GBP2: variants seen among roughly 807,000 people sequenced by gnomAD.
The protein encoded by GBP2 is guanylate binding protein 2.
GBP2 carries 54 observed loss-of-function variants against 60.8 expected under a neutral mutation model. The observed-to-expected ratio is 0.89, with a 90% CI of 0.71 to 1.11. The LOEUF (loss-of-function observed/expected upper bound fraction) is 1.11, where lower values mean the gene tolerates loss of function less well. Among genes scored for constraint, GBP2 ranks in the 50% most tolerant of loss-of-function variants. The pLI, the probability that GBP2 is intolerant of heterozygous loss-of-function variation, is 0.00. For missense variants in GBP2, 665 were observed against 703.3 expected (o/e 0.95, Z 0.62); for synonymous variants, 243 against 256.5 (o/e 0.95, Z 0.50).
chr1:89,113,920 T>C, intron 7 of GBP2, 96 bp downstream of exon 7: 1 of 1,337,626 alleles, frequency 7.5e-7, no homozygotes, highest in Non-Finnish European at 1.1e-6. Flanking sequence ...TATGTACACA[T>C]AACTGAGTGT....
intron 8 of GBP2, among the ~76,000 whole-genome samples, chr1:89,111,458 T>A (rs1681162289): frequency 6.6e-6 from 1 of 152,130 alleles, no homozygotes; most frequent in Non-Finnish European, 1.5e-5. Flanking sequence ...AAAAATAAGA[T>A]CTGTTATTTG....
At chr1:89,118,725 ATAGTG>A (rs1411616266) in intron 4 of GBP2, 3 of 152,180 alleles carry the variant, frequency 2.0e-5, no homozygotes, top group Non-Finnish European at 2.9e-5. Flanking sequence ...AATAACTTTG[ATAGTG>A]GAGCTGAAGG....
At chr1:89,117,255 A>C (rs945336496) in intron 5 of GBP2, 21 bp from the exon 6 acceptor site, 2 of 1,594,450 alleles carry the variant, frequency 1.3e-6, no homozygotes, top group Admixed American at 1.7e-5. Context: ...GAAAATTAGA[A>C]GTAGTAAAAC....
Position 89,120,266 on chromosome 1 carries a change from C to T in GBP2, c.341G>A (p.Trp114Ter), listed in dbSNP as rs1443120254. 2 of 1,613,796 alleles carry T rather than the reference C, an allele frequency of 1.2e-6. No homozygotes were observed. Among genetic ancestry groups the T allele is most frequent in the African/African-American group, 2.7e-5 (2 of 75,008 alleles). ...IEKGDNENDS[W>*]IFALAILLSS... ...CAGGAGGATGGCCAAGGCAAAGATC[C>T]AGGAGTCATTCTCATTGTCACCCTG... The change falls in exon 4 of 11, where the codon TGG becomes TAG. Residue 114 changes from tryptophan (W) to a stop codon, truncating the protein, a stop_gained. Coordinates refer to ENST00000370466, the MANE Select transcript of GBP2 (RefSeq NM_004120.5). LOFTEE classifies it high-confidence loss of function.
At chr1:89,111,631 G>C (rs1351486693) in intron 8 of GBP2, among the ~76,000 whole-genome samples, 1 of 150,168 alleles carries the variant, frequency 6.7e-6, no homozygotes, top group African/African-American at 2.5e-5. Context: ...AGGGGGTAAT[G>C]GGGTGGTGGG....
Position 89,107,985 on chromosome 1 carries a change from A to G in GBP2, c.*190T>C, listed in dbSNP as rs1005194674. 96 of 480,014 alleles carry G rather than the reference A, an allele frequency of 2.0e-4. No individual in the cohort carries two copies. The highest frequency in any genetic ancestry group is 2.0e-4 in the Admixed American group (5 of 25,582). 29.7% of individuals were successfully genotyped at this position (480,014 alleles called of 1,614,324 possible). A position where few individuals can be genotyped will look rare whatever the true frequency, so the allele number is the denominator to read the frequency against. On this transcript the variant is annotated 3_prime_UTR_variant, in exon 11 of 11. Coordinates refer to ENST00000370466, the MANE Select transcript of GBP2 (RefSeq NM_004120.5). ...TAGTACTATAAATAAGCATGAGTTG[A>G]ATTGCTCTGTAGGTAAAACATTGAC...
At chr1:89,124,738 C>G (rs1452535558) in intron 1 of GBP2, among the ~76,000 whole-genome samples, 1 of 152,212 alleles carries the variant, frequency 6.6e-6, no homozygotes, top group African/African-American at 2.4e-5. Context: ...TGCTGTGAAT[C>G]AGCATTCACC....
intron 6 of GBP2, among the ~76,000 whole-genome samples, chr1:89,115,965 T>C (rs992591160): frequency 6.6e-6 from 1 of 152,090 alleles, no homozygotes; most frequent in Non-Finnish European, 1.5e-5. Flanking sequence ...CATTATTTGC[T>C]ATAAAGCTAT....
Position 89,117,638 on chromosome 1 carries a change from T to A in GBP2, c.564A>T (p.Glu188Asp). 2 of 1,614,144 alleles carry A rather than the reference T, an allele frequency of 1.2e-6. No individual in the cohort carries two copies. Among genetic ancestry groups the A allele is most frequent in the Non-Finnish European group, 1.7e-6 (2 of 1,179,984 alleles). The stretch of plus-strand genomic sequence containing the variant: ...CAGCAGTGATGGGTTCTCCATCTAC[T>A]TCCAGTTCCAGGGTGAAATCTCTGA... ...WTLRDFTLEL[E>D]VDGEPITADD... is the part of the protein sequence containing the mutation. Residue 188 changes from glutamate (E) to aspartate (D), a missense_variant, in exon 5 of 11, where the codon GAA (glutamate) becomes GAT (aspartate). Glu to Asp is a conservative substitution (Grantham distance 45, BLOSUM62 2). Transcript: ENST00000370466.
At chr1:89,114,338 T>C (rs765014583) in intron 6 of GBP2, 42 bp from the exon 7 acceptor site, 1 of 1,598,604 alleles carries the variant, frequency 6.3e-7, no homozygotes, top group Non-Finnish European at 8.6e-7. Context: ...TATCAGTTGG[T>C]GGGACAGAAT....
rs147615005 is a variant in GBP2, at chr1:89,114,144, C to T, written c.1021G>A (p.Val341Met). ...TGGAGGGTTTCCGTGGGCAGCTGCA[C>T]CTTCTGGCCCATCTGCTGTTCATAG... Reference protein sequence around the residue: ...AHYEQQMGQKVQLPTETLQEL... With the variant: ...AHYEQQMGQKMQLPTETLQEL... Residue 341 changes from valine (V) to methionine (M), a missense_variant, in exon 7 of 11, where the codon GTG (valine) becomes ATG (methionine). Transcript: ENST00000370466. 5.3e-3 allele frequency: 8,623 copies of T among 1,614,208 alleles called. 39 individuals are homozygous for T. Among genetic ancestry groups the T allele is most frequent in the Non-Finnish European group, 6.4e-3 (7,515 of 1,180,030 alleles).
chr1:89,125,630 T>C (rs1681502550), intron 1 of GBP2, among the ~76,000 whole-genome samples: 1 of 152,220 alleles, frequency 6.6e-6, no homozygotes, highest in African/African-American at 2.4e-5. Flanking sequence ...TAATTTAAGA[T>C]AGTGTCAAGA....
intron 9 of GBP2, 38 bp from the exon 10 acceptor site, chr1:89,109,908 T>C: frequency 6.4e-7 from 1 of 1,553,928 alleles, no homozygotes; most frequent in Non-Finnish European, 8.8e-7. Flanking sequence ...ATATGAATAT[T>C]CAATTGTAGG....
chr1:89,109,533 C>CT, intron 10 of GBP2, 144 bp downstream of exon 10: 2 of 632,096 alleles, frequency 3.2e-6, no homozygotes, highest in South Asian at 4.0e-5. Flanking sequence ...CCAGAGATGA[C>CT]TGGCATAAAA....
At chr1:89,117,848 A>C in intron 4 of GBP2, 75 bp from the exon 5 acceptor site, 1 of 1,219,864 alleles carries the variant, frequency 8.2e-7, no homozygotes, top group South Asian at 1.6e-5. Context: ...CTTACCTAAA[A>C]TAATTTGGTT....
chr1:89,115,213 C>A (rs1470976137), intron 6 of GBP2, among the ~76,000 whole-genome samples: 1 of 152,090 alleles, frequency 6.6e-6, no homozygotes, highest in Non-Finnish European at 1.5e-5. Context: ...AATCCATATT[C>A]CCTCTATCAA....
At position 89,107,419 on chromosome 1, in the gene GBP2, A is replaced by G. The variant is rs1464136517; in HGVS notation, c.*756T>C. On this transcript the variant is annotated 3_prime_UTR_variant, in exon 11 of 11. Coordinates refer to ENST00000370466, the MANE Select transcript of GBP2 (RefSeq NM_004120.5). Reference sequence around the variant, plus strand: ...TAAACTTCAGGAAAGAGAAAAGACTAAGGGAGACTAGAGAAGAGAGATCTA... The same window carrying G: ...TAAACTTCAGGAAAGAGAAAAGACTGAGGGAGACTAGAGAAGAGAGATCTA... Among the ~76,000 whole-genome samples the G allele has an allele frequency of 1.3e-5, 2 of 152,220 alleles. No individual in the cohort carries two copies. Among genetic ancestry groups the G allele is most frequent in the Admixed American group, 6.5e-5 (1 of 15,286 alleles).
chr1:89,106,682 T>A lies in GBP2; in HGVS notation c.*1493A>T, dbSNP rs976237135. On this transcript the variant is annotated 3_prime_UTR_variant, in exon 11 of 11. Transcript: ENST00000370466. ...CATACAGGAAAATTTCCCACGTTAT[T>A]AGTTTCTTCCTCCAAAAGTAGAAGA... 1 of 152,218 alleles carries A rather than the reference T, an allele frequency of 6.6e-6. No individual in the cohort carries two copies. Among genetic ancestry groups the A allele is most frequent in the Admixed American group, 6.5e-5 (1 of 15,286 alleles). 9.4% of individuals were successfully genotyped at this position (152,218 alleles called of 1,614,324 possible). A position where few individuals can be genotyped will look rare whatever the true frequency, so the allele number is the denominator to read the frequency against.
At chr1:89,113,293 A>AGGTATTTTC (rs1290564117) in intron 7 of GBP2, among the ~76,000 whole-genome samples, 1 of 152,234 alleles carries the variant, frequency 6.6e-6, no homozygotes, top group Non-Finnish European at 1.5e-5. Flanking sequence ...ATTGTGCCAT[A>AGGTATTTTC]GGTATTTTCA....
Sources: allele counts gnomAD v4.1 joint callset (sites outside exome capture counted in the v4.1 genomes callset), GRCh38; gene constraint gnomAD v4.1.1; transcripts MANE v1.5; gene names NCBI Gene and HGNC (gene_info 2026-07-23, HGNC 2026-07-21).